TCF7L2: variants seen among roughly 807,000 people sequenced by gnomAD.
TCF7L2 encodes the protein transcription factor 7-like 2.
Under a neutral mutation model 77.9 loss-of-function variants are expected in TCF7L2, and 23 were observed. The ratio of observed to expected loss-of-function variants is 0.30; its 90% CI spans 0.21 to 0.42. The LOEUF is 0.42. TCF7L2 is among the 10% of genes least tolerant of loss of function. TCF7L2 has a pLI of 1.00. For missense variants in TCF7L2, 654 were observed against 793.1 expected (o/e 0.82, Z 2.11); for synonymous variants, 413 against 340.2 (o/e 1.21, Z -2.36).
At chr10:113,086,973 G>C (rs553791074) in intron 5 of TCF7L2, among the ~76,000 whole-genome samples, 1 of 151,922 alleles carries the variant, frequency 6.6e-6, no homozygotes, top group East Asian at 1.9e-4. Context: ...TCTTGAGGGG[G>C]TAATAAACCT....
rs2046648996 is a variant in TCF7L2 at position 113,012,631 on chromosome 10, G to A, written c.451-27394G>A. On this transcript the variant is annotated intron_variant, in intron 4 of 13. Coordinates refer to ENST00000627217, the MANE Select transcript of TCF7L2 (RefSeq NM_001146274.2). The stretch of plus-strand genomic sequence containing the variant: ...TGTGATGAAAGGGTTTGCTGGCATT[G>A]AGTAAGGAGCTGCAGGAAGGCCTTT... 2.6e-5 allele frequency among the ~76,000 whole-genome samples: 4 copies of A among 152,300 alleles called. No individual in the cohort carries two copies. The South Asian group carries it at 8.3e-4, about 32-fold the overall frequency.
chr10:112,966,210 A>ATATATATATATATATATATATAT (rs1554877072), intron 4 of TCF7L2, among the ~76,000 whole-genome samples: 1 of 108,616 alleles, frequency 9.2e-6, no homozygotes, highest in Admixed American at 9.0e-5. Flanking sequence ...ATATATATAT[A>ATATATATATATATATATATATAT]TTTTCTTTTC....
intron 1 of TCF7L2, 121 bp downstream of exon 1, chr10:112,951,066 G>A: frequency 1.5e-6 from 2 of 1,362,034 alleles, no homozygotes; most frequent in Non-Finnish European, 2.0e-6. Context: ...CGGCGTGTGC[G>A]TACGGTGCCA....
At chr10:113,105,453 G>A (rs571773413) in intron 5 of TCF7L2, among the ~76,000 whole-genome samples, 1 of 152,238 alleles carries the variant, frequency 6.6e-6, no homozygotes, top group Admixed American at 6.5e-5. Flanking sequence ...TAATGAGGCT[G>A]CCCAGGAAAG....
Position 113,165,737 on chromosome 10 carries a change from C to T in TCF7L2, c.1574C>T (p.Pro525Leu), listed in dbSNP as rs1356807409. 1.2e-5 allele frequency: 19 copies of T among 1,613,018 alleles called. No individual in the cohort carries two copies. Among genetic ancestry groups the T allele is most frequent in the Non-Finnish European group, 1.5e-5 (18 of 1,179,612 alleles). ...CTGTCGCTGTCCCTGAAGCCCGACC[C>T]CCTGGCCCACCTGTCCATGATGCCT... Residue 525 changes from proline to leucine, a missense_variant, in exon 14 of 14, where the codon CCC becomes CTC. By Grantham distance (98) the Pro-to-Leu change is moderately conservative. This residue lies in a region of TCF7L2 where 272 missense variants were observed against 215.4 expected (regional missense o/e 1.26). Coordinates refer to ENST00000627217, the MANE Select transcript of TCF7L2 (RefSeq NM_001146274.2).
At chr10:113,145,828 A>G (rs924694099) in intron 7 of TCF7L2, among the ~76,000 whole-genome samples, 183 bp from the exon 8 acceptor site, 1 of 152,198 alleles carries the variant, frequency 6.6e-6, no homozygotes, top group Non-Finnish European at 1.5e-5. Flanking sequence ...TATCAGATTT[A>G]TGGCATTCAA....
intron 12 of TCF7L2, 59 bp downstream of exon 14, chr10:113,160,051 C>A: frequency 6.7e-7 from 1 of 1,490,814 alleles, no homozygotes; most frequent in Admixed American, 1.7e-5. Flanking sequence ...TCGATCCTCT[C>A]CCCCTTCTCT....
chr10:112,951,291 G>A lies in TCF7L2; in HGVS notation c.256+18G>A, dbSNP rs1355065832. 3.0e-6 allele frequency: 4 copies of A among 1,313,150 alleles called. No homozygotes were observed. The highest frequency in any genetic ancestry group is 1.7e-5 in the South Asian group (1 of 59,100). 81.3% of individuals were successfully genotyped at this position (1,313,150 alleles called of 1,614,324 possible). ...GGAAGAAGGTGAGTACGCCCCGCGC[G>A]CCCCGCAGCCGCCCGGAGCCGCCCC... On this transcript the variant is annotated intron_variant, in intron 2 of 13. Coordinates refer to ENST00000627217, the MANE Select transcript of TCF7L2 (RefSeq NM_001146274.2).
chr10:113,055,484 A>G (rs761097756), intron 5 of TCF7L2, among the ~76,000 whole-genome samples: 29 of 152,376 alleles, frequency 1.9e-4, no homozygotes, highest in Middle Eastern at 3.4e-3. Flanking sequence ...AACTCTTTAT[A>G]TAAGTTGAAA....
At chr10:113,041,754 C>CTAG (rs1353856431) in intron 5 of TCF7L2, among the ~76,000 whole-genome samples, 3 of 152,034 alleles carry the variant, frequency 2.0e-5, no homozygotes, top group African/African-American at 7.3e-5. Flanking sequence ...TTCTAGACAC[C>CTAG]TAGAGAGTAA....
At chr10:113,007,140 T>C (rs2133496192) in intron 4 of TCF7L2, among the ~76,000 whole-genome samples, 1 of 152,300 alleles carries the variant, frequency 6.6e-6, no homozygotes, top group East Asian at 1.9e-4. Flanking sequence ...TGTTGGATGA[T>C]TGGATGGGGG....
chr10:113,012,088 C>A (rs191210175), intron 4 of TCF7L2, among the ~76,000 whole-genome samples: 2 of 152,272 alleles, frequency 1.3e-5, no homozygotes, highest in South Asian at 4.1e-4. Context: ...GCTGCTACTG[C>A]GCCTTGGCAA....
chr10:113,132,655 T>G (rs1163380772), intron 5 of TCF7L2, among the ~76,000 whole-genome samples: 1 of 152,236 alleles, frequency 6.6e-6, no homozygotes, highest in Non-Finnish European at 1.5e-5. Context: ...ATTTTGAAGA[T>G]CTGCTCTCCT....
At chr10:113,163,604 A>C (rs2073547360) in intron 13 of TCF7L2, among the ~76,000 whole-genome samples, 1 of 152,008 alleles carries the variant, frequency 6.6e-6, no homozygotes, top group South Asian at 2.1e-4. Context: ...TGAGAGGCTT[A>C]ATTATTTATC....
Position 113,151,066 on chromosome 10 carries a change from T to A in TCF7L2, c.944T>A (p.Val315Asp). 1 of 1,614,192 alleles carries A rather than the reference T, an allele frequency of 6.2e-7. No individual in the cohort carries two copies. Among genetic ancestry groups the A allele is most frequent in the Non-Finnish European group, 8.5e-7 (1 of 1,180,040 alleles). ...ACGGGCATTCCGCATCCGGCCATAG[T>A]CACACCAACAGTCAAACAGGAATCG... Residue 315 changes from valine to aspartate, a missense_variant, in exon 9 of 14, where the codon GTC becomes GAC. This residue lies in a region of TCF7L2 where 179 missense variants were observed against 270.6 expected (regional missense o/e 0.66). Transcript: ENST00000627217. This position sits in a 1 kb window ranked among gnomAD's most constrained non-coding sequence, Gnocchi z 5.2.
intron 4 of TCF7L2, among the ~76,000 whole-genome samples, chr10:113,024,640 A>G (rs1392742088): frequency 8.0e-6 from 1 of 124,568 alleles, no homozygotes; most frequent in African/African-American, 3.1e-5. Flanking sequence ...TTTTTTTGAG[A>G]CAGAGTTTCA....
intron 3 of TCF7L2, among the ~76,000 whole-genome samples, chr10:112,964,305 C>T (rs949071338): frequency 6.6e-6 from 1 of 151,978 alleles, no homozygotes; most frequent in African/African-American, 2.4e-5. Context: ...CACTCGTGGC[C>T]CCCATCTTCC....
In TCF7L2 at chr10:113,028,919, T is replaced by C. The variant is rs146421250; in HGVS notation, c.451-11106T>C. Among the ~76,000 whole-genome samples the C allele has an allele frequency of 5.3e-5, 8 of 152,350 alleles. No individual in the cohort carries two copies. In the East Asian group the frequency reaches 1.2e-3, roughly 22 times the overall value. On this transcript the variant is annotated intron_variant, in intron 4 of 13. Coordinates refer to ENST00000627217, the MANE Select transcript of TCF7L2 (RefSeq NM_001146274.2). ...CTTTGTACCTCTCAAAGGTCATTTGTTGGCTTCGTCTCTTAACAATTTCCA... is the reference window on the plus strand; with the variant it reads ...CTTTGTACCTCTCAAAGGTCATTTGCTGGCTTCGTCTCTTAACAATTTCCA...
chr10:113,026,570 C>A (rs1260893611), intron 4 of TCF7L2, among the ~76,000 whole-genome samples: 1 of 152,216 alleles, frequency 6.6e-6, no homozygotes, highest in Non-Finnish European at 1.5e-5. Flanking sequence ...GGAGCTGGGT[C>A]AGATAGGTAA....
Sources: allele counts gnomAD v4.1 joint callset (sites outside exome capture counted in the v4.1 genomes callset), GRCh38; gene constraint gnomAD v4.1.1; regional missense constraint gnomAD v4.1.1; non-coding constraint Gnocchi (gnomAD v3.1); transcripts MANE v1.5; gene names NCBI Gene and HGNC (gene_info 2026-07-23, HGNC 2026-07-21).